The following EPCIP variants were observed in gnomAD, a reference collection of about 807,000 sequenced individuals.
EPCIP encodes exosomal polycystin-1-interacting protein.
the EPCIP span, among the ~76,000 whole-genome samples, chr21:32,808,493 A>C: frequency 1.3e-5 from 2 of 152,298 alleles, no homozygotes; most frequent in African/African-American, 4.8e-5. Flanking sequence ...CGACCATTCG[A>C]TTTTGGACAA....
At chr21:32,800,882 G>C in the EPCIP span, among the ~76,000 whole-genome samples, 4 of 151,948 alleles carry the variant, frequency 2.6e-5, no homozygotes, top group African/African-American at 9.7e-5. Flanking sequence ...TGGATGTGTA[G>C]ACATCCCCTG....
the EPCIP span, among the ~76,000 whole-genome samples, chr21:32,810,279 G>A: frequency 1.6e-4 from 21 of 132,174 alleles, no homozygotes; most frequent in African/African-American, 5.6e-4. Flanking sequence ...TTTTTGAGAC[G>A]GAGTCTCGCT....
At chr21:32,810,791 A>G in the EPCIP span, 1 of 402,692 alleles carries the variant, frequency 2.5e-6, no homozygotes, top group African/African-American at 2.1e-5. Context: ...CCAACTTAAC[A>G]TGCCAAATAC....
the EPCIP span, among the ~76,000 whole-genome samples, chr21:32,808,297 G>GA: frequency 0.031 from 4,122 of 132,394 alleles, 58 homozygotes; most frequent in African/African-American, 0.048. Flanking sequence ...GGAGATGAGA[G>GA]AAAAAAAAAA....
chr21:32,801,447 C>T, the EPCIP span, among the ~76,000 whole-genome samples: 1 of 152,202 alleles, frequency 6.6e-6, no homozygotes, highest in Non-Finnish European at 1.5e-5. Context: ...TCATCCATGC[C>T]CTCAAGGGAC....
the EPCIP span, chr21:32,791,370 ACTTT>A: frequency 1.3e-5 from 2 of 152,216 alleles, no homozygotes; most frequent in Non-Finnish European, 2.9e-5. Flanking sequence ...GGAGGCATAT[ACTTT>A]CTATCATCAT....
the EPCIP span, chr21:32,797,486 G>T: frequency 2.1e-4 from 33 of 159,812 alleles, no homozygotes; most frequent in East Asian, 4.7e-3. Flanking sequence ...TGACCTTAGG[G>T]TGATCCACCC....
chr21:32,800,749 G>A, the EPCIP span, among the ~76,000 whole-genome samples: 141 of 151,972 alleles, frequency 9.3e-4, 1 homozygote, highest in African/African-American at 2.6e-3. Flanking sequence ...CCAGGAGGCA[G>A]AGGTTGCAGT....
the EPCIP span, chr21:32,797,395 C>T: frequency 6.0e-5 from 11 of 182,396 alleles, no homozygotes; most frequent in Admixed American, 2.2e-4. Flanking sequence ...ATTATAAGCA[C>T]GCACCATCAT....
chr21:32,796,794 G>T, the EPCIP span: 98 of 337,564 alleles, frequency 2.9e-4, no homozygotes, highest in Non-Finnish European at 5.2e-4. Context: ...GGGACTTCGT[G>T]TCCCAGTAAC....
At chr21:32,807,334 C>CTTTTTTTTTTT in the EPCIP span, among the ~76,000 whole-genome samples, 1 of 130,004 alleles carries the variant, frequency 7.7e-6, no homozygotes. Context: ...CCTCTTATGC[C>CTTTTTTTTTTT]TTTTTTTTTT....
At chr21:32,792,626 G>T in the EPCIP span, among the ~76,000 whole-genome samples, 3 of 152,320 alleles carry the variant, frequency 2.0e-5, no homozygotes, top group African/African-American at 7.2e-5. Flanking sequence ...AAAAGGAAAA[G>T]AATGTGAAAG....
At chr21:32,793,626 T>C in the EPCIP span, 4 of 777,166 alleles carry the variant, frequency 5.1e-6, no homozygotes, top group Non-Finnish European at 9.3e-6. Flanking sequence ...TATGTGTGGC[T>C]GTGTTGCAAA....
At chr21:32,811,793 G>T in the EPCIP span, among the ~76,000 whole-genome samples, 1 of 152,234 alleles carries the variant, frequency 6.6e-6, no homozygotes, top group African/African-American at 2.4e-5. Context: ...TAAGAGGGCG[G>T]TGCCCTCATG....
chr21:32,806,301 G>A, the EPCIP span, among the ~76,000 whole-genome samples: 1 of 152,210 alleles, frequency 6.6e-6, no homozygotes, highest in Non-Finnish European at 1.5e-5. Context: ...CTCAAGAACA[G>A]ACTGGGGCTA....
the EPCIP span, chr21:32,797,880 T>C: frequency 6.6e-6 from 1 of 152,248 alleles, no homozygotes; most frequent in Non-Finnish European, 1.5e-5. Flanking sequence ...GTCAGAAATG[T>C]CTGTCCGTTC....
chr21:32,793,612 T>C, the EPCIP span: 6 of 738,900 alleles, frequency 8.1e-6, no homozygotes, highest in Admixed American at 1.2e-4. Context: ...GAGCTGGTTA[T>C]TGGTATGTGT....
the EPCIP span, among the ~76,000 whole-genome samples, chr21:32,802,860 C>T: frequency 3.3e-5 from 5 of 152,314 alleles, no homozygotes; most frequent in East Asian, 9.7e-4. Flanking sequence ...CGGCTCACTG[C>T]AACCTCCCAC....
the EPCIP span, chr21:32,794,001 G>A: frequency 6.2e-7 from 1 of 1,614,234 alleles, no homozygotes; most frequent in Non-Finnish European, 8.5e-7. Flanking sequence ...CTATGGATGA[G>A]TAAGCTCTGC....
Sources: allele counts gnomAD v4.1 joint callset (sites outside exome capture counted in the v4.1 genomes callset), GRCh38; gene constraint gnomAD v4.1.1; transcripts MANE v1.5; gene names NCBI Gene and HGNC (gene_info 2026-07-23, HGNC 2026-07-21).